Variants in GTPBP8 observed in about 807,000 individuals in gnomAD.
The protein encoded by GTPBP8 is GTP binding protein 8.
A neutral mutation model predicts 27.3 loss-of-function variants in GTPBP8; 21 were observed. That is an observed-to-expected ratio of 0.77 (90% CI 0.55 to 1.11). GTPBP8 has a LOEUF of 1.11. Ranked by LOEUF, GTPBP8 falls within the 50% of genes least tolerant of loss-of-function variation. The pLI, the probability that GTPBP8 is intolerant of heterozygous loss-of-function variation, is 0.00. For synonymous variants in GTPBP8, 147 were observed against 135.3 expected (o/e 1.09, Z -0.60); for missense variants, 380 against 350.8 (o/e 1.08, Z -0.67).
At position 113,000,943 on chromosome 3, in the gene GTPBP8, T is replaced by TTTA; in HGVS notation, c.*24_*25insTTA. On this transcript the variant is annotated 3_prime_UTR_variant, in exon 6 of 6. Transcript: ENST00000383678. ...AATGGTTCCCGGTTTAGCTGAAGAT[T>TTTA]CAAAAAAAAAAAAAAAAGCTTTATG... The TTTA allele has an allele frequency of 1.8e-6, 2 of 1,106,764 alleles. No individual in the cohort carries two copies. Among genetic ancestry groups the TTTA allele is most frequent in the Non-Finnish European group, 2.6e-6 (2 of 776,530 alleles). 68.6% of individuals were successfully genotyped at this position (1,106,764 alleles called of 1,614,324 possible). A position where few individuals can be genotyped will look rare whatever the true frequency, so the allele number is the denominator to read the frequency against.
At position 113,001,107 on chromosome 3, in the gene GTPBP8, T is replaced by TAA; in HGVS notation, c.*189_*190dup. 1 of 531,926 alleles carries TAA rather than the reference T, an allele frequency of 1.9e-6. No individual in the cohort carries two copies. Among genetic ancestry groups the TAA allele is most frequent in the South Asian group, 2.4e-5 (1 of 41,530 alleles). 33.0% of individuals were successfully genotyped at this position (531,926 alleles called of 1,614,324 possible). A position where few individuals can be genotyped will look rare whatever the true frequency, so the allele number is the denominator to read the frequency against. ...TTGTGCCTGAGGTGAAAAAAGTTTG[T>TAA]AAGTTATTGAATTATGGTGTTCATT... On this transcript the variant is annotated 3_prime_UTR_variant, in exon 6 of 6. Coordinates refer to ENST00000383678, the MANE Select transcript of GTPBP8 (RefSeq NM_014170.4).
chr3:112,995,100 T>C, intron 2 of GTPBP8, 35 bp from the exon 3 acceptor site: 1 of 1,514,608 alleles, frequency 6.6e-7, no homozygotes, highest in Non-Finnish European at 9.0e-7. Context: ...GGACATATCT[T>C]AAGACAGCTT....
At chr3:112,994,333 G>A (rs1031991949) in intron 2 of GTPBP8, among the ~76,000 whole-genome samples, 2 of 151,094 alleles carry the variant, frequency 1.3e-5, no homozygotes, top group Non-Finnish European at 2.9e-5. Flanking sequence ...TGAGGCAAGA[G>A]AATCGCTTGA....
chr3:112,997,369 G>A (rs1933806597), intron 4 of GTPBP8, among the ~76,000 whole-genome samples: 1 of 152,192 alleles, frequency 6.6e-6, no homozygotes, highest in Admixed American at 6.5e-5. Flanking sequence ...GAATAAAACT[G>A]CAACTTAAAA....
At chr3:113,000,711 A>C in intron 5 of GTPBP8, 139 bp from the exon 6 acceptor site, 2 of 516,752 alleles carry the variant, frequency 3.9e-6, no homozygotes, top group East Asian at 6.4e-5. Flanking sequence ...CTGGGGGAAG[A>C]GAAGAAAGCT....
At chr3:112,992,954 G>T in intron 1 of GTPBP8, 72 bp from the exon 2 acceptor site, 1 of 750,158 alleles carries the variant, frequency 1.3e-6, no homozygotes, top group Non-Finnish European at 2.3e-6. Context: ...GTTAGAATTT[G>T]AAGTTTTTTA....
Position 112,991,143 on chromosome 3 carries a change from G to C in GTPBP8, c.144G>C (p.Leu48=), listed in dbSNP as rs142352471. 32 of 1,613,910 alleles carry C rather than the reference G, an allele frequency of 2.0e-5. No homozygotes were observed. The highest frequency in any genetic ancestry group is 2.5e-5 in the Non-Finnish European group (29 of 1,180,036). The change falls in exon 1 of 6, where the codon CTG becomes CTC. Residue 48 remains leucine, a synonymous_variant. Coordinates refer to ENST00000383678, the MANE Select transcript of GTPBP8 (RefSeq NM_014170.4). ...RLPKQQLRKL[L]YPLQEVERFL... is the part of the protein sequence containing the mutation. Reference sequence around the variant, plus strand: ...CGAAGCAGCAGCTGAGGAAGCTGCTGTACCCGCTGCAGGAAGTAGAGCGGT... The same window carrying C: ...CGAAGCAGCAGCTGAGGAAGCTGCTCTACCCGCTGCAGGAAGTAGAGCGGT...
At chr3:112,994,291 T>G (rs889968728) in intron 2 of GTPBP8, among the ~76,000 whole-genome samples, 1 of 151,950 alleles carries the variant, frequency 6.6e-6, no homozygotes, top group Non-Finnish European at 1.5e-5. Context: ...GGCGCGGTGG[T>G]GCATTCCTGT....
At chr3:112,991,634 A>G (rs545881927) in intron 1 of GTPBP8, 1 of 582,128 alleles carries the variant, frequency 1.7e-6, no homozygotes, top group East Asian at 3.9e-5. Context: ...TTTTGGAATG[A>G]ATATAGAAGA....
At chr3:112,991,450 G>A in intron 1 of GTPBP8, 115 bp downstream of exon 1, 1 of 918,862 alleles carries the variant, frequency 1.1e-6, no homozygotes, top group Non-Finnish European at 1.8e-6. Flanking sequence ...TTATGTTGGC[G>A]CATATATTAT....
rs1341760895 is a variant in GTPBP8, at chr3:112,995,131, T to C, written c.436-4T>C. 4 of 1,585,402 alleles carry C rather than the reference T, an allele frequency of 2.5e-6. No homozygotes were observed. The African/African-American group carries it at 4.1e-5, about 16-fold the overall frequency. ...AGCTTTTCTTTTTCTATTTACTTTATCAGGGACACACAAAGAAAATGAATT... is the reference window on the plus strand; with the variant it reads ...AGCTTTTCTTTTTCTATTTACTTTACCAGGGACACACAAAGAAAATGAATT... On this transcript the variant is annotated splice_polypyrimidine_tract_variant and splice_region_variant and intron_variant, in intron 2 of 5. Transcript: ENST00000383678.
intron 4 of GTPBP8, among the ~76,000 whole-genome samples, chr3:112,997,605 T>C (rs78144043): frequency 0.054 from 8,224 of 152,280 alleles, 514 homozygotes; most frequent in African/African-American, 0.15. Flanking sequence ...TCTTAAAGTT[T>C]CTTTCCAAAG....
chr3:112,991,114 CT>C lies in GTPBP8; in HGVS notation c.116del (p.Leu39ArgfsTer6), dbSNP rs771153672. 6 of 1,613,174 alleles carry C rather than the reference CT, an allele frequency of 3.7e-6. No homozygotes were observed. In the East Asian group the frequency reaches 1.3e-4, roughly 36 times the overall value. ...CCAAGCTTTTGCTGAGGTGCTGCGG[CT>C]GCCGAAGCAGCAGCTGAGGAAGCTG... The part of the protein sequence containing the change: ...TSQAFAEVLR[L>X]PKQQLRKLLY... On this transcript the variant is annotated frameshift_variant, in exon 1 of 6. Coordinates refer to ENST00000383678, the MANE Select transcript of GTPBP8 (RefSeq NM_014170.4). LOFTEE classifies it high-confidence loss of function.
chr3:112,996,657 T>C (rs564469794), intron 3 of GTPBP8, among the ~76,000 whole-genome samples: 1 of 152,220 alleles, frequency 6.6e-6, no homozygotes, highest in Non-Finnish European at 1.5e-5. Context: ...AATATATCCT[T>C]ATTGATTTAA....
In GTPBP8 at chr3:112,993,134, A is replaced by C. The variant is rs779108610; in HGVS notation, c.435+10A>C. 1 of 1,391,680 alleles carries C rather than the reference A, an allele frequency of 7.2e-7. No homozygotes were observed. Among genetic ancestry groups the C allele is most frequent in the Non-Finnish European group, 1.0e-6 (1 of 979,898 alleles). The allele number at this position is 1,391,680 out of a possible 1,614,324, so 86.2% of individuals were successfully genotyped here. Reference sequence around the variant, plus strand: ...AGTCTCCAAAAAACCAGTATGTTGAAGTTTTTAAATATGTTTGGACTATCT... The same window carrying C: ...AGTCTCCAAAAAACCAGTATGTTGACGTTTTTAAATATGTTTGGACTATCT... On this transcript the variant is annotated intron_variant, in intron 2 of 5. Coordinates refer to ENST00000383678, the MANE Select transcript of GTPBP8 (RefSeq NM_014170.4).
intron 5 of GTPBP8, among the ~76,000 whole-genome samples, chr3:113,000,297 C>T (rs2107373358): frequency 6.6e-6 from 1 of 152,150 alleles, no homozygotes; most frequent in South Asian, 2.1e-4. Context: ...GCTCGGGAGG[C>T]AGAGGTTGCA....
intron 4 of GTPBP8, among the ~76,000 whole-genome samples, chr3:112,998,951 G>A (rs1451937673): frequency 6.6e-6 from 1 of 152,102 alleles, no homozygotes; most frequent in Non-Finnish European, 1.5e-5. Context: ...TATGTTACTT[G>A]TCTCTGGACA....
rs142352471 is a variant in GTPBP8, at chr3:112,991,143, G to A, written c.144G>A (p.Leu48=). The A allele has an allele frequency of 1.9e-6, 3 of 1,614,028 alleles. No homozygotes were observed. The highest frequency in any genetic ancestry group is 1.7e-6 in the Non-Finnish European group (2 of 1,180,028). The part of the protein sequence containing the change: ...RLPKQQLRKL[L]YPLQEVERFL... The stretch of plus-strand genomic sequence containing the variant: ...CGAAGCAGCAGCTGAGGAAGCTGCT[G>A]TACCCGCTGCAGGAAGTAGAGCGGT... The change falls in exon 1 of 6, where the codon CTG becomes CTA. Residue 48 remains leucine (L), a synonymous_variant. Transcript: ENST00000383678.
chr3:113,000,847 C>T lies in GTPBP8; in HGVS notation c.786-3C>T, dbSNP rs1468307103. On this transcript the variant is annotated splice_polypyrimidine_tract_variant and splice_region_variant and intron_variant, in intron 5 of 5. Transcript: ENST00000383678. ...GAAAATTATTTCTCTTTTCTTTTCACAGTGCTGTGACCTTTTCTGGAATCC... is the reference window on the plus strand; with the variant it reads ...GAAAATTATTTCTCTTTTCTTTTCATAGTGCTGTGACCTTTTCTGGAATCC... The T allele has an allele frequency of 1.9e-6, 3 of 1,567,220 alleles. No individual in the cohort carries two copies. In the African/African-American group the frequency reaches 4.1e-5, roughly 21 times the overall value.
Sources: gnomAD v4.1 joint callset for allele counts (sites outside exome capture counted in the v4.1 genomes callset) on GRCh38, gnomAD v4.1.1 for gene constraint, MANE v1.5 for transcripts, NCBI Gene and HGNC (gene_info 2026-07-23, HGNC 2026-07-21) for gene names.